GATA4: variants seen among roughly 807,000 people sequenced by gnomAD.
GATA4 encodes transcription factor GATA-4.
Under a neutral mutation model 37.9 loss-of-function variants are expected in GATA4, and 7 were observed. The observed-to-expected ratio is 0.18, with a 90% CI of 0.11 to 0.35. GATA4 has a LOEUF of 0.35. Among genes scored for constraint, GATA4 ranks in the 10% least tolerant of loss-of-function variants. The pLI, the probability that GATA4 is intolerant of heterozygous loss-of-function variation, is 1.00. For synonymous variants in GATA4, 372 were observed against 292.6 expected, an observed-to-expected ratio of 1.27 and a Z score of -2.77; for missense variants, 647 against 653.0, an observed-to-expected ratio of 0.99 and a Z score of 0.10.
chr8:11,724,399 G>C (rs2130164487), intron 2 of GATA4, among the ~76,000 whole-genome samples: 1 of 152,296 alleles, frequency 6.6e-6, no homozygotes, highest in East Asian at 1.9e-4. Flanking sequence ...CCATTTTCCA[G>C]AGACTGCACC....
rs551392958 is a variant in GATA4, at chr8:11,721,608, C to T, written c.616+12680C>T. Reference sequence around the variant, plus strand: ...GGAGGATTTATGTGGTGTGCTTCGGCAGCAGGGCACGGCGGCTGTGTGGTT... The same window carrying T: ...GGAGGATTTATGTGGTGTGCTTCGGTAGCAGGGCACGGCGGCTGTGTGGTT... On this transcript the variant is annotated intron_variant, in intron 2 of 6. Transcript: ENST00000532059. 2.2e-3 allele frequency among the ~76,000 whole-genome samples: 336 copies of T among 152,086 alleles called. 1 individual carries two copies. Among genetic ancestry groups the T allele is most frequent in the African/African-American group, 7.9e-3 (327 of 41,482 alleles).
chr8:11,685,657 C>G (rs1252543536), intron 1 of GATA4, among the ~76,000 whole-genome samples: 1 of 152,180 alleles, frequency 6.6e-6, no homozygotes, highest in Non-Finnish European at 1.5e-5. Context: ...AAGAGATTCC[C>G]CTCCCCATTT....
chr8:11,709,555 T>G lies in GATA4; in HGVS notation c.616+627T>G, dbSNP rs1324085086. 6.4e-5 allele frequency among the ~76,000 whole-genome samples: 6 copies of G among 93,962 alleles called. No homozygotes were observed. The highest frequency in any genetic ancestry group is 1.1e-4 in the African/African-American group (3 of 26,764). The allele number at this position is 93,962 out of a possible 152,430, so 61.6% of individuals were successfully genotyped here. Reference sequence around the variant, plus strand: ...TGCGGGTGCCACCCGGCCGAGCGCGTGGGCGCATCATGCGGGCAGCGGGGG... The same window carrying G: ...TGCGGGTGCCACCCGGCCGAGCGCGGGGGCGCATCATGCGGGCAGCGGGGG... On this transcript the variant is annotated intron_variant, in intron 2 of 6. Transcript: ENST00000532059. This position sits in a 1 kb window ranked among gnomAD's most constrained non-coding sequence, Gnocchi z 4.3.
intron 2 of GATA4, among the ~76,000 whole-genome samples, chr8:11,735,921 T>A (rs966648798): frequency 5.3e-5 from 8 of 151,882 alleles, no homozygotes; most frequent in African/African-American, 1.9e-4. Flanking sequence ...AAAAAAAAAT[T>A]TTTTTTTGAG....
chr8:11,708,883 A>G lies in GATA4; in HGVS notation c.571A>G (p.Ser191Gly). 6.5e-7 allele frequency: 1 copy of G among 1,527,908 alleles called. No homozygotes were observed. The highest frequency in any genetic ancestry group is 1.2e-5 in the South Asian group (1 of 83,640). 94.6% of individuals were successfully genotyped at this position (1,527,908 alleles called of 1,614,324 possible). ...AGPFDSPVLH[S>G]LPGRANPAAR... ...CCCCTTCGACAGCCCGGTCCTGCAC[A>G]GCCTGCCCGGCCGGGCCAACCCGGC... Residue 191 changes from serine to glycine, a missense_variant, in exon 2 of 7, where the codon AGC (serine) becomes GGC (glycine). Ser to Gly is a moderately conservative substitution (Grantham distance 56). This residue lies in a region of GATA4 where 379 missense variants were observed against 334.5 expected (regional missense o/e 1.13). Transcript: ENST00000532059. This position sits in a 1 kb window ranked among gnomAD's most constrained non-coding sequence, Gnocchi z 6.7.
chr8:11,729,748 G>A (rs111794381), intron 2 of GATA4, among the ~76,000 whole-genome samples: 3 of 152,172 alleles, frequency 2.0e-5, no homozygotes, highest in African/African-American at 7.2e-5. Flanking sequence ...GGTTAAGTCC[G>A]CTGCCTTGTG....
At position 11,708,717 on chromosome 8, in the gene GATA4, C is replaced by T; in HGVS notation, c.405C>T (p.Gly135=). The T allele has an allele frequency of 2.4e-6, 3 of 1,267,348 alleles. No homozygotes were observed. The highest frequency in any genetic ancestry group is 3.3e-5 in the East Asian group (1 of 30,274). The allele number at this position is 1,267,348 out of a possible 1,614,324, so 78.5% of individuals were successfully genotyped here. ...AAREAAAYSS[G]GGAAGAGLAG... is the part of the protein sequence containing the mutation. ...GGGAAGCTGCGGCCTACAGCAGTGGCGGCGGAGCGGCGGGTGCGGGCCTGG... is the reference window on the plus strand; with the variant it reads ...GGGAAGCTGCGGCCTACAGCAGTGGTGGCGGAGCGGCGGGTGCGGGCCTGG... Residue 135 remains glycine (G), a synonymous_variant, in exon 2 of 7, where the codon GGC becomes GGT. Coordinates refer to ENST00000532059, the MANE Select transcript of GATA4 (RefSeq NM_001308093.3). This position sits in a 1 kb window ranked among gnomAD's most constrained non-coding sequence, Gnocchi z 6.7.
At chr8:11,712,571 A>G (rs1800238310) in intron 2 of GATA4, among the ~76,000 whole-genome samples, 2 of 151,990 alleles carry the variant, frequency 1.3e-5, no homozygotes, top group African/African-American at 2.4e-5. Context: ...GACAAAGAAA[A>G]AGAGGCCAGG....
chr8:11,744,752 T>C (rs1585675988), intron 2 of GATA4, among the ~76,000 whole-genome samples: 1 of 152,070 alleles, frequency 6.6e-6, no homozygotes, highest in South Asian at 2.1e-4. Flanking sequence ...GATTTGGAGG[T>C]GTAGGAGGTT....
intron 1 of GATA4, chr8:11,697,737 C>T (rs1252795892): frequency 1.0e-6 from 1 of 985,464 alleles, no homozygotes; most frequent in Non-Finnish European, 1.2e-6. Context: ...TGTCTCTGCT[C>T]GCCGCGCCAG....
chr8:11,742,886 G>A (rs1585671413), intron 2 of GATA4, among the ~76,000 whole-genome samples: 2 of 152,270 alleles, frequency 1.3e-5, no homozygotes, highest in Admixed American at 1.3e-4. Flanking sequence ...AGGGACATTT[G>A]GGTGGGGCTG....
chr8:11,702,975 C>T (rs1489190305), upstream of GATA4, among the ~76,000 whole-genome samples: 2 of 152,246 alleles, frequency 1.3e-5, no homozygotes, highest in Admixed American at 1.3e-4. This position sits in a 1 kb window ranked among gnomAD's most constrained non-coding sequence, Gnocchi z 4.4. Flanking sequence ...TACCCAGCCC[C>T]GCGTCCTGGC....
intron 1 of GATA4, among the ~76,000 whole-genome samples, chr8:11,685,448 A>G (rs1349194384): frequency 6.6e-6 from 1 of 152,260 alleles, no homozygotes; most frequent in Non-Finnish European, 1.5e-5. Context: ...AAGATTGGCC[A>G]GATCCAAGAC....
At chr8:11,697,954 G>A (rs1421154490) in intron 1 of GATA4, 5 of 985,350 alleles carry the variant, frequency 5.1e-6, no homozygotes, top group East Asian at 1.1e-4. Flanking sequence ...TGGGCCTGGC[G>A]GCGCTCCAGC....
Position 11,714,091 on chromosome 8 carries a change from G to T in GATA4, c.616+5163G>T, listed in dbSNP as rs1800324897. Among the ~76,000 whole-genome samples the T allele has an allele frequency of 1.3e-5, 2 of 152,216 alleles. 1 individual carries two copies. Among genetic ancestry groups the T allele is most frequent in the South Asian group, 4.1e-4 (2 of 4,826 alleles). On this transcript the variant is annotated intron_variant, in intron 2 of 6. Transcript: ENST00000532059. The stretch of plus-strand genomic sequence containing the variant: ...CGAAATGGAAATAGATTGTAAATAT[G>T]CCTTGACGGATATATGGTGGTAGGT...
Position 11,709,867 on chromosome 8 carries a change from A to C in GATA4, c.616+939A>C, listed in dbSNP as rs7817412. 0.2 allele frequency among the ~76,000 whole-genome samples: 29,729 copies of C among 152,000 alleles called. 4,312 individuals carry two copies. The highest frequency in any genetic ancestry group is 0.41 in the African/African-American group (16,971 of 41,426). On this transcript the variant is annotated intron_variant, in intron 2 of 6. Transcript: ENST00000532059. The surrounding 1 kb of genome is among the most constrained non-coding windows in gnomAD (Gnocchi z 4.3). ...AGTACACGGGCCGGGGGAGAAAGGG[A>C]AGTGGCAACCCCTAGTTCAAAATGC...
chr8:11,713,987 T>A (rs780781009), intron 2 of GATA4, among the ~76,000 whole-genome samples: 1 of 152,236 alleles, frequency 6.6e-6, no homozygotes, highest in Non-Finnish European at 1.5e-5. Flanking sequence ...GAGTCTTTTA[T>A]TGCATGTACA....
intron 1 of GATA4, among the ~76,000 whole-genome samples, chr8:11,685,819 G>T (rs1278688283): frequency 4.6e-5 from 7 of 152,208 alleles, no homozygotes; most frequent in African/African-American, 1.7e-4. Flanking sequence ...GTGAGGCCAG[G>T]TGTGGGGTAG....
At chr8:11,699,633 G>A (rs1309816008), upstream of GATA4, among the ~76,000 whole-genome samples, 3 of 152,362 alleles carry the variant, frequency 2.0e-5, no homozygotes, top group Admixed American at 1.3e-4. Context: ...CTCCAGCGCT[G>A]GCGCTCCTCA....
Sources: gnomAD v4.1 joint callset for allele counts (sites outside exome capture counted in the v4.1 genomes callset) on GRCh38, gnomAD v4.1.1 for gene constraint, gnomAD v4.1.1 regional missense constraint, Gnocchi (gnomAD v3.1) non-coding constraint, MANE v1.5 for transcripts, NCBI Gene and HGNC (gene_info 2026-07-23, HGNC 2026-07-21) for gene names.